Variants in PSMA1 observed in about 807,000 individuals in gnomAD.
The protein encoded by PSMA1 is proteasome subunit alpha type-1.
A neutral mutation model predicts 38.4 loss-of-function variants in PSMA1; 3 were observed. The ratio of observed to expected loss-of-function variants is 0.08; its 90% CI spans 0.04 to 0.20. The LOEUF (loss-of-function observed/expected upper bound fraction) is 0.20. Ranked by LOEUF, PSMA1 falls within the 10% of genes least tolerant of loss-of-function variation. The pLI is 1.00. For synonymous variants in PSMA1, 101 were observed against 107.1 expected (o/e 0.94, Z 0.35); for missense variants, 227 against 325.3 (o/e 0.70, Z 2.32).
rs1590004279 is a variant in PSMA1, at chr11:14,597,299, G to A, written c.21+13667C>T. Among the ~76,000 whole-genome samples, 2 of 152,170 alleles carry A rather than the reference G, an allele frequency of 1.3e-5. 1 individual carries two copies. Among genetic ancestry groups the A allele is most frequent in the South Asian group, 4.1e-4 (2 of 4,824 alleles). On this transcript the variant is annotated intron_variant, in intron 2 of 10. Transcript: ENST00000418988. ...GGATTCCCTCTTTTTCTATTGATTG[G>A]AATAGTTTCAAAAGGAATGGTACCA...
chr11:14,626,770 G>T (rs1488179913), intron 1 of PSMA1, among the ~76,000 whole-genome samples: 2 of 152,238 alleles, frequency 1.3e-5, no homozygotes, highest in African/African-American at 4.8e-5. Context: ...TGATAGCGAT[G>T]ATAATTAGGG....
intron 1 of PSMA1, among the ~76,000 whole-genome samples, chr11:14,633,994 G>A (rs568340070): frequency 1.2e-4 from 18 of 151,996 alleles, no homozygotes; most frequent in Non-Finnish European, 1.9e-4. Flanking sequence ...GCCCTGCTTC[G>A]GCTCGTGCAC....
intron 2 of PSMA1, among the ~76,000 whole-genome samples, chr11:14,574,049 T>C (rs932954068): frequency 1.3e-5 from 2 of 152,116 alleles, no homozygotes; most frequent in South Asian, 2.1e-4. Context: ...AACTGGAACT[T>C]ATATTTAAAA....
intron 2 of PSMA1, among the ~76,000 whole-genome samples, chr11:14,588,512 A>G (rs1852375355): frequency 6.6e-6 from 1 of 152,164 alleles, no homozygotes; most frequent in South Asian, 2.1e-4. Context: ...CTTAAGAAAG[A>G]AAAAACAGAG....
chr11:14,636,087 A>G (rs146248874), intron 1 of PSMA1, among the ~76,000 whole-genome samples: 282 of 152,334 alleles, frequency 1.9e-3, no homozygotes, highest in Middle Eastern at 3.4e-3. Context: ...CACTAAAACT[A>G]ACAAAGAAAT....
intron 2 of PSMA1, among the ~76,000 whole-genome samples, chr11:14,575,122 A>T (rs925626276): frequency 6.6e-6 from 1 of 152,164 alleles, no homozygotes; most frequent in Non-Finnish European, 1.5e-5. Flanking sequence ...ACTGGAGATG[A>T]ACTCTTGCTT....
intron 1 of PSMA1, among the ~76,000 whole-genome samples, chr11:14,615,465 C>T (rs150839181): frequency 2.0e-4 from 30 of 152,322 alleles, no homozygotes; most frequent in African/African-American, 6.7e-4. Flanking sequence ...TCCTACATCC[C>T]TCTCTTCCAG....
At chr11:14,528,553 C>A (rs1256401129) in intron 2 of PSMA1, among the ~76,000 whole-genome samples, 2 of 152,004 alleles carry the variant, frequency 1.3e-5, no homozygotes, top group Non-Finnish European at 2.9e-5. Context: ...TCCATACCAC[C>A]CCCAAAAATT....
chr11:14,511,281 C>A (rs1565031986), intron 7 of PSMA1, among the ~76,000 whole-genome samples: 1 of 152,080 alleles, frequency 6.6e-6, no homozygotes, highest in Non-Finnish European at 1.5e-5. Flanking sequence ...TATATTTGCT[C>A]ATTGTAAAAA....
intron 2 of PSMA1, among the ~76,000 whole-genome samples, chr11:14,586,032 CATTTT>C (rs1292154558): frequency 6.6e-5 from 10 of 152,148 alleles, no homozygotes; most frequent in African/African-American, 2.2e-4. Context: ...CTACCATTAG[CATTTT>C]ATTATTCATG....
At chr11:14,591,247 C>T (rs907090744) in intron 2 of PSMA1, among the ~76,000 whole-genome samples, 1 of 152,196 alleles carries the variant, frequency 6.6e-6, no homozygotes, top group African/African-American at 2.4e-5. Context: ...CCCAGCAGTG[C>T]CAGCCCACCG....
intron 2 of PSMA1, among the ~76,000 whole-genome samples, chr11:14,530,273 A>C (rs1442336978): frequency 6.6e-6 from 1 of 152,168 alleles, no homozygotes; most frequent in South Asian, 2.1e-4. Flanking sequence ...TCTAAACTCC[A>C]GTCTCTGAAT....
In PSMA1 at chr11:14,624,963, G is replaced by A. The variant is rs189605044; in HGVS notation, c.-165-13812C>T. ...GGACTTGGAATGGATAATAGAGGTGGGAGAAGTTAAGTACCTTGTTGCAGT... is the reference window on the plus strand; with the variant it reads ...GGACTTGGAATGGATAATAGAGGTGAGAGAAGTTAAGTACCTTGTTGCAGT... On this transcript the variant is annotated intron_variant, in intron 1 of 10. Transcript: ENST00000418988. 2.9e-3 allele frequency among the ~76,000 whole-genome samples: 445 copies of A among 152,284 alleles called. 6 individuals are homozygous for A. Among genetic ancestry groups the A allele is most frequent in the Non-Finnish European group, 2.6e-3 (174 of 68,022 alleles).
chr11:14,556,806 A>G (rs1327227907), intron 2 of PSMA1, among the ~76,000 whole-genome samples: 1 of 152,166 alleles, frequency 6.6e-6, no homozygotes, highest in Middle Eastern at 3.2e-3. Context: ...TTGGAAGACT[A>G]TCTTTTCTCC....
chr11:14,539,425 T>A (rs1184574626), intron 2 of PSMA1, among the ~76,000 whole-genome samples: 1 of 151,352 alleles, frequency 6.6e-6, no homozygotes, highest in African/African-American at 2.4e-5. Context: ...TCAGACTACG[T>A]GAACAAAGAA....
chr11:14,509,900 T>G (rs1334913007), intron 8 of PSMA1, among the ~76,000 whole-genome samples: 3 of 151,944 alleles, frequency 2.0e-5, no homozygotes, highest in Admixed American at 1.3e-4. Context: ...ATTTTTTGTA[T>G]TTTTAGTAGA....
intron 1 of PSMA1, among the ~76,000 whole-genome samples, chr11:14,633,704 A>G (rs1565064174): frequency 6.6e-6 from 1 of 152,248 alleles, no homozygotes; most frequent in East Asian, 1.9e-4. Flanking sequence ...TACCTAATCA[A>G]GCCTGGGCAA....
At chr11:14,540,022 C>T (rs1435380565) in intron 2 of PSMA1, among the ~76,000 whole-genome samples, 1 of 152,164 alleles carries the variant, frequency 6.6e-6, no homozygotes, top group Non-Finnish European at 1.5e-5. Context: ...CGTGACTACT[C>T]TAAGCAGCAG....
intron 1 of PSMA1, among the ~76,000 whole-genome samples, chr11:14,641,600 G>A (rs946724439): frequency 3.3e-5 from 5 of 152,202 alleles, no homozygotes; most frequent in Non-Finnish European, 7.3e-5. Flanking sequence ...AAAGAGTTGG[G>A]CTTGTAGCCT....
Sources: allele counts gnomAD v4.1 joint callset (sites outside exome capture counted in the v4.1 genomes callset), GRCh38; gene constraint gnomAD v4.1.1; transcripts MANE v1.5; gene names NCBI Gene and HGNC (gene_info 2026-07-23, HGNC 2026-07-21).